The following KCNK9 variants were observed in gnomAD, a reference collection of about 807,000 sequenced individuals.
The protein encoded by KCNK9 is potassium channel subfamily K member 9.
Under a neutral mutation model 10.8 loss-of-function variants are expected in KCNK9, and 1 was observed. The ratio of observed to expected loss-of-function variants is 0.09; its 90% CI spans 0.03 to 0.44. The LOEUF (loss-of-function observed/expected upper bound fraction) is 0.44. Ranked by LOEUF, KCNK9 falls within the 20% of genes least tolerant of loss-of-function variation. The pLI is 0.97. For synonymous variants in KCNK9, 231 were observed against 222.7 expected (o/e 1.04, Z -0.33); for missense variants, 303 against 515.0 (o/e 0.59, Z 3.98).
chr8:139,644,047 A>G (rs1815592676), intron 1 of KCNK9, among the ~76,000 whole-genome samples: 1 of 152,226 alleles, frequency 6.6e-6, no homozygotes, highest in East Asian at 1.9e-4. Flanking sequence ...TGTTGCTGAA[A>G]TAACTATAAC....
chr8:139,668,928 G>A (rs1563743930), intron 1 of KCNK9, among the ~76,000 whole-genome samples: 3 of 151,968 alleles, frequency 2.0e-5, no homozygotes. Flanking sequence ...TCCATACCTC[G>A]GAGACAATGC....
intron 1 of KCNK9, among the ~76,000 whole-genome samples, chr8:139,623,347 ACATTACC>A (rs1243238363): frequency 6.6e-6 from 1 of 152,138 alleles, no homozygotes; most frequent in Non-Finnish European, 1.5e-5. Context: ...ATCTACTCAT[ACATTACC>A]CATTCAGATA....
intron 1 of KCNK9, among the ~76,000 whole-genome samples, chr8:139,632,860 T>C (rs992354156): frequency 1.3e-5 from 2 of 152,152 alleles, no homozygotes; most frequent in Admixed American, 6.5e-5. Flanking sequence ...GTACAGCTGC[T>C]ATGCACCTAG....
At chr8:139,658,409 C>CAT in intron 1 of KCNK9, among the ~76,000 whole-genome samples, 1 of 152,330 alleles carries the variant, frequency 6.6e-6, no homozygotes, top group South Asian at 2.1e-4. Flanking sequence ...TCCTCCAGAA[C>CAT]ACCCCACAAT....
chr8:139,613,594 C>T (rs1033538465), downstream of KCNK9, among the ~76,000 whole-genome samples: 3 of 152,192 alleles, frequency 2.0e-5, no homozygotes, highest in African/African-American at 7.2e-5. Context: ...AACATCCAGG[C>T]CAAATGCTTT....
chr8:139,675,344 A>G (rs565752265), intron 1 of KCNK9, among the ~76,000 whole-genome samples: 14 of 152,338 alleles, frequency 9.2e-5, no homozygotes, highest in African/African-American at 2.6e-4. Context: ...CAGTGGACTC[A>G]GTGTGTCCCC....
intron 1 of KCNK9, among the ~76,000 whole-genome samples, chr8:139,645,198 G>A (rs73358053): frequency 0.064 from 9,810 of 152,270 alleles, 1,037 homozygotes; most frequent in African/African-American, 0.22. Flanking sequence ...TCCAGGTGCT[G>A]TGGGCCCGAG....
downstream of KCNK9, among the ~76,000 whole-genome samples, chr8:139,610,505 C>A (rs1814388377): frequency 1.3e-5 from 2 of 152,172 alleles, no homozygotes; most frequent in African/African-American, 4.8e-5. Flanking sequence ...GACAAGACCC[C>A]AGGATGCTTA....
chr8:139,612,132 A>G (rs925154808), downstream of KCNK9: 3 of 152,282 alleles, frequency 2.0e-5, no homozygotes, highest in African/African-American at 7.2e-5. Context: ...CTCCACCTCA[A>G]AGCTGGAGAG....
chr8:139,693,589 G>T lies in KCNK9; in HGVS notation c.283+9121C>A, dbSNP rs1420855284. ...GGAGCCTGAGACCAGCAGCCCCTAG[G>T]GAATACTGATGTCTACTCAGAAAAC... On this transcript the variant is annotated intron_variant, in intron 1 of 1. Transcript: ENST00000520439. The surrounding 1 kb of genome is among the most constrained non-coding windows in gnomAD (Gnocchi z 4.1). 6.6e-6 allele frequency among the ~76,000 whole-genome samples: 1 copy of T among 152,136 alleles called. No homozygotes were observed. The highest frequency in any genetic ancestry group is 1.9e-4 in the East Asian group (1 of 5,178).
intron 2 of KCNK9, among the ~76,000 whole-genome samples, chr8:139,605,158 T>C (rs2130074806): frequency 6.6e-6 from 1 of 152,358 alleles, no homozygotes; most frequent in African/African-American, 2.4e-5. Context: ...CCTTCTTGTG[T>C]CCATACACAC....
intron 1 of KCNK9, among the ~76,000 whole-genome samples, chr8:139,691,414 G>A (rs1816931693): frequency 2.0e-5 from 3 of 152,208 alleles, no homozygotes; most frequent in Admixed American, 6.5e-5. Flanking sequence ...GCCGAGGGCT[G>A]CTGAAGTTGC....
chr8:139,690,077 A>G (rs971199155), intron 1 of KCNK9, among the ~76,000 whole-genome samples: 5 of 152,254 alleles, frequency 3.3e-5, no homozygotes, highest in Non-Finnish European at 7.3e-5. Context: ...GGTTGTTTTC[A>G]GCCTCTGTGT....
rs528201928 is a variant in KCNK9, at chr8:139,681,307, C to T, written c.283+21403G>A. ...GGCTGTGCTCCTCTCCCGAGCACAC[C>T]GCCCACCGAAGTTCACCAAGTGAAG... On this transcript the variant is annotated intron_variant, in intron 1 of 1. Transcript: ENST00000520439. Among the ~76,000 whole-genome samples, 8 of 152,326 alleles carry T rather than the reference C, an allele frequency of 5.3e-5. No individual in the cohort carries two copies. The East Asian group carries it at 9.6e-4, about 18-fold the overall frequency.
chr8:139,641,630 GCC>G (rs10571858), intron 1 of KCNK9, among the ~76,000 whole-genome samples: 46,257 of 151,568 alleles, frequency 0.31, 7,261 homozygotes, highest in Middle Eastern at 0.39. Context: ...GCTCTGGCCT[GCC>G]CCCCCCCCGC....
intron 1 of KCNK9, among the ~76,000 whole-genome samples, chr8:139,656,560 C>T (rs1012741808): frequency 2.6e-4 from 40 of 152,350 alleles, no homozygotes; most frequent in African/African-American, 8.9e-4. Context: ...TCAGATGACA[C>T]CTGCCCCGGG....
intron 1 of KCNK9, among the ~76,000 whole-genome samples, chr8:139,696,140 A>G (rs1394324337): frequency 6.6e-6 from 1 of 152,106 alleles, no homozygotes; most frequent in African/African-American, 2.4e-5. Context: ...TCAGAACCCC[A>G]CAAGAGATAA....
chr8:139,605,772 G>A (rs926142043), intron 2 of KCNK9, among the ~76,000 whole-genome samples: 1 of 152,230 alleles, frequency 6.6e-6, no homozygotes, highest in Non-Finnish European at 1.5e-5. Flanking sequence ...AAAGAAAGAT[G>A]CAAACCCTTG....
intron 1 of KCNK9, among the ~76,000 whole-genome samples, chr8:139,658,302 T>TG (rs569197499): frequency 6.6e-6 from 1 of 152,086 alleles, no homozygotes; most frequent in Admixed American, 6.6e-5. Context: ...CTGTAAGTCA[T>TG]GGGGGGACAA....
Sources: gnomAD v4.1 joint callset for allele counts (sites outside exome capture counted in the v4.1 genomes callset) on GRCh38, gnomAD v4.1.1 for gene constraint, Gnocchi (gnomAD v3.1) non-coding constraint, MANE v1.5 for transcripts, NCBI Gene and HGNC (gene_info 2026-07-23, HGNC 2026-07-21) for gene names.